ANO4: variants seen among roughly 807,000 people sequenced by gnomAD.
ANO4 encodes anoctamin-4.
ANO4 carries 69 observed loss-of-function variants against 141.9 expected under a neutral mutation model. That is an observed-to-expected ratio of 0.49 (90% CI 0.40 to 0.59). ANO4 has a LOEUF of 0.59. Among genes scored for constraint, ANO4 ranks in the 20% least tolerant of loss-of-function variants. ANO4 has a pLI of 0.00. For synonymous variants in ANO4, 350 were observed against 394.3 expected (o/e 0.89, Z 1.33); for missense variants, 894 against 1,162.2 (o/e 0.77, Z 3.36).
At chr12:100,729,283 G>C (rs2031273282) in intron 1 of ANO4, among the ~76,000 whole-genome samples, 1 of 140,032 alleles carries the variant, frequency 7.1e-6, no homozygotes, top group Non-Finnish European at 1.5e-5. Flanking sequence ...TAAAAATATA[G>C]CTGGAGGTTG....
chr12:100,951,405 T>G (rs2042964822), intron 5 of ANO4, among the ~76,000 whole-genome samples: 1 of 152,210 alleles, frequency 6.6e-6, no homozygotes, highest in African/African-American at 2.4e-5. Context: ...GCAGCACTGT[T>G]CACAATAGCA....
chr12:100,939,724 G>A (rs1455675143), intron 4 of ANO4, among the ~76,000 whole-genome samples: 1 of 152,122 alleles, frequency 6.6e-6, no homozygotes, highest in Non-Finnish European at 1.5e-5. Context: ...ATTCTTGAGT[G>A]TCTCCCACTG....
intron 3 of ANO4, among the ~76,000 whole-genome samples, chr12:100,776,916 AGT>A (rs1420567543): frequency 6.6e-6 from 1 of 152,150 alleles, no homozygotes; most frequent in African/African-American, 2.4e-5. Context: ...TGGTATTTAC[AGT>A]GACTCTTTAG....
In ANO4 at chr12:101,043,649, G is replaced by A. The variant is rs1192899549; in HGVS notation, c.1251+14G>A. 3.8e-6 allele frequency: 6 copies of A among 1,579,884 alleles called. No individual in the cohort carries two copies. In the Admixed American group the frequency reaches 1.0e-4, roughly 26 times the overall value. On this transcript the variant is annotated intron_variant, in intron 13 of 27. Transcript: ENST00000392977. ...GTATATGCCAAGGTAATTTCAAACT[G>A]TAGCATTTTAGATGAATTGAATTTA... is the stretch of plus-strand genomic sequence containing the variant.
rs1047401092 is a variant in ANO4 at position 100,901,834 on chromosome 12, C to A, written c.49C>A (p.His17Asn). The change falls in exon 2 of 28, where the codon CAC (histidine) becomes AAC (asparagine). Residue 17 changes from histidine (H) to asparagine (N), a missense_variant. Physicochemically the swap from His to Asn is moderately conservative, Grantham distance 68. Coordinates refer to ENST00000392977, the MANE Select transcript of ANO4 (RefSeq NM_001286615.2). ...GITNGKTKVF[H>N]PEGGVDLQGY... is the part of the protein sequence containing the mutation. ...CACTAATGGAAAAACCAAAGTCTTC[C>A]ACCCAGGTGATGCATGGGGAAGTTC... The A allele has an allele frequency of 1.2e-6, 2 of 1,606,412 alleles. No homozygotes were observed. Among genetic ancestry groups the A allele is most frequent in the Non-Finnish European group, 1.7e-6 (2 of 1,176,624 alleles).
intron 1 of ANO4, among the ~76,000 whole-genome samples, chr12:100,808,905 G>A: frequency 6.6e-6 from 1 of 152,156 alleles, no homozygotes; most frequent in East Asian, 1.9e-4. Flanking sequence ...AGCACCAATT[G>A]CTGAGATTCT....
At chr12:101,063,113 T>C (rs2048419989) in intron 14 of ANO4, among the ~76,000 whole-genome samples, 1 of 152,210 alleles carries the variant, frequency 6.6e-6, no homozygotes, top group African/African-American at 2.4e-5. Context: ...GCACAGTCCC[T>C]CAGGGCTTCT....
intron 1 of ANO4, among the ~76,000 whole-genome samples, chr12:100,861,228 G>A (rs2038456510): frequency 6.6e-6 from 1 of 152,146 alleles, no homozygotes; most frequent in Admixed American, 6.6e-5. Flanking sequence ...CCTCTTGTAA[G>A]ACAGGAAAGT....
At chr12:100,949,239 C>T (rs1315148961) in intron 5 of ANO4, among the ~76,000 whole-genome samples, 2 of 152,198 alleles carry the variant, frequency 1.3e-5, no homozygotes, top group African/African-American at 2.4e-5. Context: ...GACTTCCACC[C>T]TCTAGAAACT....
At chr12:100,721,098 G>A (rs2030842443) in intron 1 of ANO4, among the ~76,000 whole-genome samples, 1 of 152,176 alleles carries the variant, frequency 6.6e-6, no homozygotes, top group African/African-American at 2.4e-5. Context: ...CATGTGCTAT[G>A]CTTGTATAGT....
intron 5 of ANO4, among the ~76,000 whole-genome samples, chr12:100,962,816 C>T (rs1255807557): frequency 6.6e-6 from 1 of 152,108 alleles, no homozygotes; most frequent in Non-Finnish European, 1.5e-5. Context: ...CGGCCCAATC[C>T]ACGCTGCAAT....
chr12:100,727,895 G>C (rs1228444974), intron 1 of ANO4, among the ~76,000 whole-genome samples: 2 of 152,012 alleles, frequency 1.3e-5, no homozygotes, highest in Non-Finnish European at 2.9e-5. Context: ...AATTGCCCTT[G>C]TACTTTTACT....
chr12:100,730,832 A>T (rs2031352986), intron 1 of ANO4, among the ~76,000 whole-genome samples: 1 of 152,214 alleles, frequency 6.6e-6, no homozygotes, highest in South Asian at 2.1e-4. Flanking sequence ...TATTAAAAAT[A>T]GTTTTAAAAA....
At position 100,733,816 on chromosome 12, in the gene ANO4, C is replaced by T. The variant is rs185477901; in HGVS notation, c.65C>T (p.Thr22Met). Residue 22 changes from threonine (T) to methionine (M), a missense_variant, in exon 2 of 30, where the codon ACG becomes ATG. Physicochemically the swap from Thr to Met is moderately conservative, Grantham distance 81. Transcript: ENST00000644049. ...GGAAGTTATAACCTTTCCTCTGCAA[C>T]GACGGGCAGCTACTACAGTTGTGTC... The T allele has an allele frequency of 9.1e-4, 640 of 702,054 alleles. 4 individuals are homozygous for T. The highest frequency in any genetic ancestry group is 5.7e-3 in the Middle Eastern group (25 of 4,362). The allele number at this position is 702,054 out of a possible 1,614,324, so 43.5% of individuals were successfully genotyped here.
At chr12:100,902,654 T>C (rs2040647460) in intron 2 of ANO4, among the ~76,000 whole-genome samples, 2 of 152,216 alleles carry the variant, frequency 1.3e-5, no homozygotes, top group African/African-American at 4.8e-5. Flanking sequence ...CCATCTCTAC[T>C]CATGTCACAC....
Position 101,015,060 on chromosome 12 carries a change from C to T in ANO4, c.735-4974C>T, listed in dbSNP as rs1030066478. Among the ~76,000 whole-genome samples, 7 of 151,006 alleles carry T rather than the reference C, an allele frequency of 4.6e-5. No homozygotes were observed. The East Asian group carries it at 1.4e-3, about 30-fold the overall frequency. ...CTGGTCTTGAACTTCTGGCTTCAAGCGGTCCTCCTGCATTTGCCTCCCAAA... is the reference window on the plus strand; with the variant it reads ...CTGGTCTTGAACTTCTGGCTTCAAGTGGTCCTCCTGCATTTGCCTCCCAAA... On this transcript the variant is annotated intron_variant, in intron 8 of 27. Transcript: ENST00000392977.
chr12:101,097,753 A>C, intron 20 of ANO4, 45 bp downstream of exon 20: 1 of 1,610,276 alleles, frequency 6.2e-7, no homozygotes, highest in South Asian at 1.1e-5. Flanking sequence ...GACTTGCATT[A>C]AACAGCCTTA....
At chr12:100,855,264 C>A (rs1343386810) in intron 1 of ANO4, among the ~76,000 whole-genome samples, 1 of 151,980 alleles carries the variant, frequency 6.6e-6, no homozygotes. Context: ...GTTTTATTGT[C>A]AATAACTTCT....
At chr12:101,000,696 C>G (rs2045598389) in intron 8 of ANO4, among the ~76,000 whole-genome samples, 1 of 152,150 alleles carries the variant, frequency 6.6e-6, no homozygotes. Context: ...AAAAAAGCCA[C>G]GCATCTTGAG....
Sources: allele counts gnomAD v4.1 joint callset (sites outside exome capture counted in the v4.1 genomes callset), GRCh38; gene constraint gnomAD v4.1.1; transcripts MANE v1.5; gene names NCBI Gene and HGNC (gene_info 2026-07-23, HGNC 2026-07-21).